Variants in PROM1 observed in about 807,000 individuals in gnomAD.
PROM1 encodes the protein prominin-1.
PROM1 carries 105 observed loss-of-function variants against 116.9 expected under a neutral mutation model. That is an observed-to-expected ratio of 0.90 (90% confidence interval 0.77 to 1.06). PROM1 has a LOEUF of 1.06. PROM1 is among the 50% of genes least tolerant of loss of function. PROM1 has a pLI of 0.00. For synonymous variants in PROM1, 393 were observed against 387.0 expected, an observed-to-expected ratio of 1.02 and a Z score of -0.18; for missense variants, 1,122 against 1,045.2, an observed-to-expected ratio of 1.07 and a Z score of -1.01.
intron 8 of PROM1, 119 bp from the exon 9 acceptor site, chr4:16,018,659 A>T: frequency 6.0e-6 from 5 of 836,276 alleles, no homozygotes; most frequent in Non-Finnish European, 9.7e-6. Context: ...TGAGAGGGAC[A>T]CACTGCAAGG....
At chr4:16,077,549 T>G (rs1050881895) in intron 1 of PROM1, among the ~76,000 whole-genome samples, 1 of 152,142 alleles carries the variant, frequency 6.6e-6, no homozygotes, top group African/African-American at 2.4e-5. Context: ...CTATACTTTG[T>G]CTCTGTGTCT....
intron 11 of PROM1, among the ~76,000 whole-genome samples, chr4:16,011,171 G>A (rs1726797920): frequency 6.6e-6 from 1 of 152,012 alleles, no homozygotes; most frequent in Admixed American, 6.5e-5. Flanking sequence ...GTCCTCTCTT[G>A]GCATATACCC....
chr4:16,080,392 C>T (rs935915199), intron 1 of PROM1, among the ~76,000 whole-genome samples: 1 of 151,740 alleles, frequency 6.6e-6, no homozygotes, highest in African/African-American at 2.4e-5. Context: ...TGTGGTGGTG[C>T]ACACCTGTAG....
chr4:15,981,664 C>T (rs1577811016), intron 23 of PROM1, among the ~76,000 whole-genome samples: 1 of 152,166 alleles, frequency 6.6e-6, no homozygotes, highest in Admixed American at 6.5e-5. Flanking sequence ...CATTCCATGA[C>T]ATTACTGTGT....
intron 13 of PROM1, 73 bp downstream of exon 13, chr4:16,006,465 T>C: frequency 6.8e-7 from 1 of 1,471,094 alleles, no homozygotes. Context: ...CGGGTTCATG[T>C]AACACCAGAG....
chr4:16,000,188 G>A (rs1723408282), intron 14 of PROM1, among the ~76,000 whole-genome samples: 1 of 152,180 alleles, frequency 6.6e-6, no homozygotes, highest in Non-Finnish European at 1.5e-5. Flanking sequence ...CTACTGCTGA[G>A]GAAAATTCTT....
At chr4:15,985,723 G>C in intron 22 of PROM1, 37 bp downstream of exon 22, 11 of 1,366,008 alleles carry the variant, frequency 8.1e-6, no homozygotes, top group Non-Finnish European at 1.1e-5. Flanking sequence ...CCTGAAACTT[G>C]ACCCCCCTTA....
chr4:16,024,577 A>G (rs547134588), intron 6 of PROM1, among the ~76,000 whole-genome samples: 1 of 152,292 alleles, frequency 6.6e-6, no homozygotes, highest in East Asian at 1.9e-4. Context: ...GATGTTCTGA[A>G]TAGGTAATTC....
chr4:16,063,906 G>A (rs1257713123), intron 2 of PROM1, among the ~76,000 whole-genome samples: 2 of 152,084 alleles, frequency 1.3e-5, no homozygotes, highest in African/African-American at 4.8e-5. Flanking sequence ...GGTAGAACCA[G>A]AGTAAGACTG....
intron 2 of PROM1, among the ~76,000 whole-genome samples, chr4:16,047,686 G>T (rs1376414846): frequency 6.6e-6 from 1 of 152,038 alleles, no homozygotes; most frequent in Non-Finnish European, 1.5e-5. Context: ...CTATAGCCTG[G>T]CCTAACTCCA....
At chr4:16,018,701 C>T (rs1023065984) in intron 8 of PROM1, among the ~76,000 whole-genome samples, 161 bp from the exon 9 acceptor site, 41 of 152,144 alleles carry the variant, frequency 2.7e-4, no homozygotes, top group African/African-American at 9.7e-4. Flanking sequence ...AGGAGCATCG[C>T]TAGGCTGCTC....
chr4:16,006,449 G>A (rs1725496244), intron 13 of PROM1, 89 bp downstream of exon 13: 1 of 1,422,854 alleles, frequency 7.0e-7, no homozygotes, highest in Non-Finnish European at 9.4e-7. Flanking sequence ...GTGGCCCAGA[G>A]GGCGCCGGGT....
At chr4:16,015,102 T>G (rs997941494) in intron 10 of PROM1, among the ~76,000 whole-genome samples, 2 of 152,154 alleles carry the variant, frequency 1.3e-5, no homozygotes, top group African/African-American at 4.8e-5. Flanking sequence ...TCCCAGCACT[T>G]TGGGAGGCCG....
Position 15,985,783 on chromosome 4 carries a change from AATG to A in PROM1, c.2254_2256del (p.His752del). 1 of 1,443,730 alleles carries A rather than the reference AATG, an allele frequency of 6.9e-7. No homozygotes were observed. Among genetic ancestry groups the A allele is most frequent in the Non-Finnish European group, 9.3e-7 (1 of 1,071,884 alleles). The allele number at this position is 1,443,730 out of a possible 1,614,324, so 89.4% of individuals were successfully genotyped here. On this transcript the variant is annotated inframe_deletion, in exon 22 of 28. Coordinates refer to ENST00000447510, the MANE Select transcript of PROM1 (RefSeq NM_006017.3). Reference sequence around the variant, plus strand: ...ACAGAGAACTCGATCCACTGCAGATAATGTTCAAAATATCCTATTATTGTTCTC... The same window carrying A: ...ACAGAGAACTCGATCCACTGCAGATATTCAAAATATCCTATTATTGTTCTC...
intron 15 of PROM1, among the ~76,000 whole-genome samples, chr4:15,996,235 G>A (rs1722290479): frequency 6.6e-6 from 1 of 152,180 alleles, no homozygotes; most frequent in South Asian, 2.1e-4. Context: ...TAATGGCCGG[G>A]CTTGGGGCTC....
intron 7 of PROM1, 82 bp from the exon 8 acceptor site, chr4:16,023,497 C>A: frequency 1.8e-6 from 2 of 1,127,642 alleles, no homozygotes; most frequent in Non-Finnish European, 2.6e-6. Flanking sequence ...CACACTGCCT[C>A]AAGCCCCTCC....
At chr4:16,053,583 T>C (rs1332919242) in intron 2 of PROM1, among the ~76,000 whole-genome samples, 2 of 152,208 alleles carry the variant, frequency 1.3e-5, no homozygotes, top group African/African-American at 4.8e-5. Flanking sequence ...GTAATGACAC[T>C]ATGGATAGTC....
intron 5 of PROM1, among the ~76,000 whole-genome samples, chr4:16,028,432 T>G (rs1560522893): frequency 6.6e-6 from 1 of 152,140 alleles, no homozygotes; most frequent in Non-Finnish European, 1.5e-5. Flanking sequence ...TCCACAAAAA[T>G]CTGGGAATCT....
intron 2 of PROM1, among the ~76,000 whole-genome samples, chr4:16,042,595 A>T (rs1735585924): frequency 6.6e-6 from 1 of 152,228 alleles, no homozygotes; most frequent in Admixed American, 6.5e-5. Context: ...ATACAAATTT[A>T]AATTTTTTTA....
Sources: gnomAD v4.1 joint callset for allele counts (sites outside exome capture counted in the v4.1 genomes callset) on GRCh38, gnomAD v4.1.1 for gene constraint, MANE v1.5 for transcripts, NCBI Gene and HGNC (gene_info 2026-07-23, HGNC 2026-07-21) for gene names.